Variants in MLXIPL observed in about 807,000 individuals in gnomAD.
The protein encoded by MLXIPL is carbohydrate-responsive element-binding protein.
In MLXIPL, 49 loss-of-function variants were observed where a neutral mutation model predicts 81.5. The observed-to-expected ratio is 0.60, with a 90% CI of 0.48 to 0.76. The LOEUF (loss-of-function observed/expected upper bound fraction) is 0.76, where lower values mean the gene tolerates loss of function less well. Among genes scored for constraint, MLXIPL ranks in the 30% least tolerant of loss-of-function variants. The probability of loss-of-function intolerance (pLI) is 0.00; values close to 1 mark genes in which losing one functional copy is unlikely to be tolerated. For missense variants in MLXIPL, 1,053 were observed against 1,167.0 expected (o/e 0.90, Z 1.42); for synonymous variants, 466 against 485.5 (o/e 0.96, Z 0.53).
the MLXIPL span, among the ~76,000 whole-genome samples, chr7:73,643,446 G>A: frequency 8.6e-5 from 13 of 151,584 alleles, no homozygotes; most frequent in Admixed American, 2.6e-4. Flanking sequence ...CCCGGGAGGC[G>A]GAGCTTGCAG....
Position 73,616,252 on chromosome 7 carries a change from A to T in MLXIPL, c.294-75T>A, listed in dbSNP as rs139760859. On this transcript the variant is annotated intron_variant, in intron 1 of 16. Coordinates refer to ENST00000313375, the MANE Select transcript of MLXIPL (RefSeq NM_032951.3). ...AGGCTGGTCCCCATATTCCCCATGC[A>T]CTAGGCATCCATCTATGGTTGGCAT... is the stretch of plus-strand genomic sequence containing the variant. 136 of 1,280,284 alleles carry T rather than the reference A, an allele frequency of 1.1e-4. No individual in the cohort carries two copies. The East Asian group carries it at 2.7e-3, about 26-fold the overall frequency. The allele number at this position is 1,280,284 out of a possible 1,614,324, so 79.3% of individuals were successfully genotyped here.
At chr7:73,631,829 CTT>C in the MLXIPL span, among the ~76,000 whole-genome samples, 1 of 144,232 alleles carries the variant, frequency 6.9e-6, no homozygotes, top group Non-Finnish European at 1.5e-5. Context: ...TCTCTCCAGT[CTT>C]GTCTTGTCTT....
chr7:73,638,671 G>A, the MLXIPL span, among the ~76,000 whole-genome samples: 6 of 152,064 alleles, frequency 3.9e-5, no homozygotes, highest in Non-Finnish European at 7.4e-5. Context: ...GGCCCAGGTT[G>A]GAGTGCAGTG....
At position 73,620,723 on chromosome 7, in the gene MLXIPL, C is replaced by A. The variant is rs1796294126; in HGVS notation, c.293+3477G>T. Among the ~76,000 whole-genome samples the A allele has an allele frequency of 2.7e-5, 4 of 150,572 alleles. No individual in the cohort carries two copies. In the South Asian group the frequency reaches 8.4e-4, roughly 32 times the overall value. ...CGCCACTGCACTCCAGCCTGGGCGA[C>A]AGAGTGAGACTCCGTCTCAGAAAAA... On this transcript the variant is annotated intron_variant, in intron 1 of 16. Transcript: ENST00000313375.
chr7:73,635,533 TTCCATCCATCCATCCA>T, the MLXIPL span, among the ~76,000 whole-genome samples: 1 of 151,366 alleles, frequency 6.6e-6, no homozygotes, highest in African/African-American at 2.4e-5. Context: ...CCATCTCTTC[TTCCATCCATCCATCCA>T]TCCATCCATC....
chr7:73,593,814 A>G lies in MLXIPL; in HGVS notation c.*51T>C, dbSNP rs1794038292. ...GAGATGATCCCTGGAGCCCGTGCCC[A>G]GGGAAAGCAGCCCCCAGGGCAGCTG... On this transcript the variant is annotated 3_prime_UTR_variant, in exon 17 of 17. Coordinates refer to ENST00000313375, the MANE Select transcript of MLXIPL (RefSeq NM_032951.3). 4 of 1,482,526 alleles carry G rather than the reference A, an allele frequency of 2.7e-6. No individual in the cohort carries two copies. Among genetic ancestry groups the G allele is most frequent in the Non-Finnish European group, 3.8e-6 (4 of 1,061,048 alleles). The allele number at this position is 1,482,526 out of a possible 1,614,324, so 91.8% of individuals were successfully genotyped here. A position where few individuals can be genotyped will look rare whatever the true frequency, so the allele number is the denominator to read the frequency against.
intron 2 of MLXIPL, chr7:73,610,089 TC>T (rs1795592533): frequency 6.6e-6 from 1 of 152,542 alleles, no homozygotes; most frequent in Non-Finnish European, 1.5e-5. Flanking sequence ...CCCTAGGATG[TC>T]CCAAAACTTG....
upstream of MLXIPL, chr7:73,624,601 C>T (rs1796611822): frequency 2.2e-6 from 3 of 1,387,600 alleles, no homozygotes; most frequent in South Asian, 3.3e-5. Flanking sequence ...ATAGGCCGAT[C>T]GGGTGGGCGG....
intron 5 of MLXIPL, chr7:73,606,536 C>T (rs1554598204): frequency 6.4e-6 from 2 of 312,204 alleles, no homozygotes; most frequent in Non-Finnish European, 1.2e-5. Flanking sequence ...AGCGATTCTC[C>T]TGTCTCAGCC....
upstream of MLXIPL, among the ~76,000 whole-genome samples, chr7:73,629,506 G>A (rs1462856805): frequency 2.6e-5 from 4 of 152,190 alleles, no homozygotes; most frequent in Non-Finnish European, 5.9e-5. Context: ...AGGCCAAGGG[G>A]AGGATTGCTT....
intron 7 of MLXIPL, among the ~76,000 whole-genome samples, chr7:73,602,027 C>T (rs1251419337): frequency 6.6e-6 from 1 of 151,766 alleles, no homozygotes; most frequent in Non-Finnish European, 1.5e-5. Context: ...TGTGCCTGTC[C>T]GCGTGTCTAA....
chr7:73,642,969 C>T, the MLXIPL span, among the ~76,000 whole-genome samples: 1 of 152,224 alleles, frequency 6.6e-6, no homozygotes, highest in Non-Finnish European at 1.5e-5. Flanking sequence ...GGCCTCCAGC[C>T]ACCAGTCCTC....
chr7:73,627,250 CTT>C (rs869038650), upstream of MLXIPL, among the ~76,000 whole-genome samples: 35 of 133,836 alleles, frequency 2.6e-4, no homozygotes, highest in Non-Finnish European at 2.9e-4. Context: ...AAGTGGCCCT[CTT>C]TTTTTTTTTT....
At chr7:73,639,913 T>C in the MLXIPL span, among the ~76,000 whole-genome samples, 4 of 149,082 alleles carry the variant, frequency 2.7e-5, no homozygotes, top group Non-Finnish European at 5.9e-5. Context: ...AAAAGAAAAA[T>C]AATTAGCCAG....
chr7:73,623,702 G>A lies in MLXIPL; in HGVS notation c.293+498C>T, dbSNP rs1231564584. 2.6e-5 allele frequency among the ~76,000 whole-genome samples: 4 copies of A among 152,294 alleles called. No homozygotes were observed. Among genetic ancestry groups the A allele is most frequent in the South Asian group, 2.1e-4 (1 of 4,824 alleles). ...TCCAGTCCACTTTGGTTATGAACTG[G>A]GACAATCAGGGGCGCTGGGAGTATC... On this transcript the variant is annotated intron_variant, in intron 1 of 16. Coordinates refer to ENST00000313375, the MANE Select transcript of MLXIPL (RefSeq NM_032951.3). The surrounding 1 kb of genome is among the most constrained non-coding windows in gnomAD (Gnocchi z 5.7).
upstream of MLXIPL, among the ~76,000 whole-genome samples, chr7:73,628,196 AC>A (rs1796782657): frequency 6.6e-6 from 1 of 151,776 alleles, no homozygotes; most frequent in African/African-American, 2.4e-5. Context: ...AGATCACCCC[AC>A]CGTGCTCTCC....
intron 2 of MLXIPL, among the ~76,000 whole-genome samples, chr7:73,608,190 C>T (rs2116375646): frequency 6.6e-6 from 1 of 152,180 alleles, no homozygotes; most frequent in Non-Finnish European, 1.5e-5. Context: ...TGAATCCAAC[C>T]TCCCACACCT....
At chr7:73,640,800 A>G in the MLXIPL span, among the ~76,000 whole-genome samples, 6 of 151,578 alleles carry the variant, frequency 4.0e-5, no homozygotes, top group Non-Finnish European at 8.8e-5. Context: ...AAAAAGGAGA[A>G]AAAAAAGAAC....
intron 1 of MLXIPL, 78 bp downstream of exon 1, chr7:73,624,122 A>C: frequency 1.2e-5 from 17 of 1,460,478 alleles, no homozygotes; most frequent in Non-Finnish European, 1.5e-5. Flanking sequence ...TGAGGGCCCC[A>C]GCGCGCAGTC....
Sources: allele counts gnomAD v4.1 joint callset (sites outside exome capture counted in the v4.1 genomes callset), GRCh38; gene constraint gnomAD v4.1.1; non-coding constraint Gnocchi (gnomAD v3.1); transcripts MANE v1.5; gene names NCBI Gene and HGNC (gene_info 2026-07-23, HGNC 2026-07-21).